The following PKNOX2 variants were observed in gnomAD, a reference collection of about 807,000 sequenced individuals.
The protein encoded by PKNOX2 is PBX/knotted 1 homeobox 2.
PKNOX2 carries 14 observed loss-of-function variants against 53.1 expected under a neutral mutation model. That is an observed-to-expected ratio of 0.26 (90% CI 0.17 to 0.41). The LOEUF is 0.41. Ranked by LOEUF, PKNOX2 falls within the 10% of genes least tolerant of loss-of-function variation. PKNOX2 has a pLI of 1.00. For synonymous variants in PKNOX2, 257 were observed against 242.8 expected (o/e 1.06, Z -0.54); for missense variants, 496 against 602.8 (o/e 0.82, Z 1.85).
At chr11:125,288,590 T>C (rs1461868093) in intron 2 of PKNOX2, among the ~76,000 whole-genome samples, 1 of 152,208 alleles carries the variant, frequency 6.6e-6, no homozygotes, top group African/African-American at 2.4e-5. Context: ...GTCACCCTTT[T>C]ATGTCTGCCT....
At chr11:125,399,390 G>A (rs1591556893) in intron 7 of PKNOX2, among the ~76,000 whole-genome samples, 2 of 152,158 alleles carry the variant, frequency 1.3e-5, no homozygotes, top group East Asian at 3.9e-4. Flanking sequence ...ATTGCTCAAC[G>A]AGCATCTCGT....
chr11:125,247,674 C>G (rs1164693163), intron 2 of PKNOX2, among the ~76,000 whole-genome samples: 1 of 152,180 alleles, frequency 6.6e-6, no homozygotes, highest in Admixed American at 6.5e-5. Context: ...CAGCCTCCCT[C>G]TCTAGTTTCC....
At chr11:125,356,040 C>G (rs971918545) in intron 4 of PKNOX2, among the ~76,000 whole-genome samples, 5 of 143,564 alleles carry the variant, frequency 3.5e-5, no homozygotes, top group African/African-American at 1.0e-4. Context: ...CCCCCCCCCC[C>G]ACAACTTTTC....
At chr11:125,423,061 CATATGTAT>C (rs1956246524) in intron 10 of PKNOX2, among the ~76,000 whole-genome samples, 1 of 151,698 alleles carries the variant, frequency 6.6e-6, no homozygotes. Context: ...CACACACACA[CATATGTAT>C]ACACATACAT....
intron 2 of PKNOX2, among the ~76,000 whole-genome samples, chr11:125,297,270 G>A (rs1188988475): frequency 2.0e-5 from 3 of 152,218 alleles, no homozygotes; most frequent in Non-Finnish European, 4.4e-5. Flanking sequence ...AGCAGGGAGT[G>A]AGTAGATCAT....
intron 7 of PKNOX2, among the ~76,000 whole-genome samples, chr11:125,400,516 C>T (rs1489526340): frequency 6.6e-6 from 1 of 152,172 alleles, no homozygotes; most frequent in African/African-American, 2.4e-5. Context: ...ACCTGACATT[C>T]AAGGCCCTCC....
At chr11:125,347,346 G>C (rs1951033159) in intron 3 of PKNOX2, among the ~76,000 whole-genome samples, 1 of 152,210 alleles carries the variant, frequency 6.6e-6, no homozygotes, top group African/African-American at 2.4e-5. Flanking sequence ...CCCAACCCCG[G>C]CACACTGGCC....
rs559724191 is a variant in PKNOX2, at chr11:125,371,158, G to T, written c.227+3173G>T. On this transcript the variant is annotated intron_variant, in intron 5 of 12. Coordinates refer to ENST00000298282, the MANE Select transcript of PKNOX2 (RefSeq NM_001382323.2). ...TTGGATCATACCAGAGCGTCATCTG[G>T]ACTAATCAGCAAAGCAACCAGGGGC... is the stretch of plus-strand genomic sequence containing the variant. Among the ~76,000 whole-genome samples the T allele has an allele frequency of 2.0e-5, 3 of 152,248 alleles. No homozygotes were observed. The East Asian group carries it at 5.8e-4, about 30-fold the overall frequency.
chr11:125,348,991 C>T (rs978911860), intron 3 of PKNOX2, among the ~76,000 whole-genome samples: 4 of 152,128 alleles, frequency 2.6e-5, no homozygotes, highest in Admixed American at 6.5e-5. Flanking sequence ...TTTTTCCTGG[C>T]GGACGAGCAT....
At chr11:125,218,066 T>C (rs1368538046) in intron 1 of PKNOX2, among the ~76,000 whole-genome samples, 1 of 152,142 alleles carries the variant, frequency 6.6e-6, no homozygotes, top group Non-Finnish European at 1.5e-5. Flanking sequence ...CAGGCAGATT[T>C]GGATAGGGCC....
chr11:125,175,207 AGAAGGAAGGAAGGAAGGAAG>A (rs368917674), intron 1 of PKNOX2, among the ~76,000 whole-genome samples: 3 of 138,978 alleles, frequency 2.2e-5, no homozygotes, highest in African/African-American at 8.3e-5. Context: ...GGGTTTGAGG[AGAAGGAAGGAAGGAAGGAAG>A]GAAGGAAGGA....
chr11:125,197,850 C>T (rs539097076), intron 1 of PKNOX2, among the ~76,000 whole-genome samples: 1 of 152,298 alleles, frequency 6.6e-6, no homozygotes, highest in Admixed American at 6.5e-5. Flanking sequence ...CTGCTCCACT[C>T]TGCCCTTCAC....
intron 1 of PKNOX2, among the ~76,000 whole-genome samples, chr11:125,189,369 G>GTATATATATATATGTGTGTATATATA (rs1956646895): frequency 3.8e-5 from 2 of 52,254 alleles, no homozygotes. Context: ...ATATATATAT[G>GTATATATATATATGTGTGTATATATA]TATATATATA....
chr11:125,192,946 T>C (rs1282032049), intron 1 of PKNOX2, among the ~76,000 whole-genome samples: 1 of 152,238 alleles, frequency 6.6e-6, no homozygotes, highest in Non-Finnish European at 1.5e-5. Context: ...TGAGGTGACC[T>C]GAAGGCAGTC....
chr11:125,282,266 T>C (rs1946608471), intron 2 of PKNOX2, among the ~76,000 whole-genome samples: 1 of 152,252 alleles, frequency 6.6e-6, no homozygotes. Flanking sequence ...GGCCTTGGGC[T>C]GGTTACTTCC....
chr11:125,372,691 A>T (rs1040841470), intron 5 of PKNOX2, among the ~76,000 whole-genome samples: 1 of 152,196 alleles, frequency 6.6e-6, no homozygotes, highest in African/African-American at 2.4e-5. Context: ...TTCCTGGTCT[A>T]TCAGCGAATG....
chr11:125,385,621 A>G lies in PKNOX2; in HGVS notation c.298A>G (p.Ile100Val), dbSNP rs775799642. The G allele has an allele frequency of 3.7e-6, 6 of 1,613,788 alleles. No individual in the cohort carries two copies. The highest frequency in any genetic ancestry group is 3.3e-5 in the South Asian group (3 of 90,970). Residue 100 changes from isoleucine (I) to valine (V), a missense_variant, in exon 6 of 13, where the codon ATC becomes GTC. Transcript: ENST00000298282. ...CEQATQGSEC[I>V]TSASFDVDIE... ...ACAGGCCACCCAGGGCTCTGAGTGC[A>G]TCACCTCCGCCAGCTTTGATGTGGA... is the stretch of plus-strand genomic sequence containing the variant.
chr11:125,261,485 C>G (rs1205815740), intron 2 of PKNOX2, among the ~76,000 whole-genome samples: 1 of 152,184 alleles, frequency 6.6e-6, no homozygotes, highest in Non-Finnish European at 1.5e-5. Context: ...GTAGATCAGC[C>G]TTGTCTTCCT....
intron 1 of PKNOX2, among the ~76,000 whole-genome samples, chr11:125,180,284 C>T (rs1178360204): frequency 1.3e-5 from 2 of 149,854 alleles, no homozygotes; most frequent in East Asian, 2.0e-4. Flanking sequence ...TTCTTTAGAG[C>T]GATTGTTGGA....
Sources: allele counts gnomAD v4.1 joint callset (sites outside exome capture counted in the v4.1 genomes callset), GRCh38; gene constraint gnomAD v4.1.1; transcripts MANE v1.5; gene names NCBI Gene and HGNC (gene_info 2026-07-23, HGNC 2026-07-21).